SYNJ2: variants seen among roughly 807,000 people sequenced by gnomAD.
SYNJ2 encodes the protein synaptojanin 2, also known as polyphosphatidylinositol phosphatase SYNJ2.
Under a neutral mutation model 141.3 loss-of-function variants are expected in SYNJ2, and 116 were observed. That is an observed-to-expected ratio of 0.82 (90% CI 0.71 to 0.96). The LOEUF is 0.96. Ranked by LOEUF, SYNJ2 falls within the 40% of genes least tolerant of loss-of-function variation. The pLI, the probability that SYNJ2 is intolerant of heterozygous loss-of-function variation, is 0.00. For synonymous variants in SYNJ2, 745 were observed against 777.7 expected (o/e 0.96, Z 0.70); for missense variants, 1,873 against 1,934.8 (o/e 0.97, Z 0.60).
intron 2 of SYNJ2, among the ~76,000 whole-genome samples, chr6:158,019,520 G>C (rs1019673952): frequency 6.6e-6 from 1 of 152,194 alleles, no homozygotes; most frequent in Non-Finnish European, 1.5e-5. Context: ...TGTCTGCGGG[G>C]GTCAGCAGGG....
At chr6:158,031,647 T>C (rs1005273485) in intron 3 of SYNJ2, among the ~76,000 whole-genome samples, 2 of 151,752 alleles carry the variant, frequency 1.3e-5, no homozygotes, top group African/African-American at 4.8e-5. Flanking sequence ...ACAGCAGGAG[T>C]CAGATGGGGT....
chr6:158,052,031 G>A (rs1780599789), intron 5 of SYNJ2, among the ~76,000 whole-genome samples: 1 of 152,274 alleles, frequency 6.6e-6, no homozygotes, highest in East Asian at 1.9e-4. Flanking sequence ...TAAATCTATT[G>A]CTGAGAAACC....
intron 16 of SYNJ2, among the ~76,000 whole-genome samples, chr6:158,076,016 C>T (rs968349415): frequency 1.3e-5 from 2 of 152,096 alleles, no homozygotes; most frequent in Non-Finnish European, 2.9e-5. Flanking sequence ...CATAGGGAGA[C>T]TTTGTCTCTA....
At chr6:158,068,610 G>A (rs771687057) in intron 12 of SYNJ2, 37 bp from the exon 13 acceptor site, 50 of 1,612,822 alleles carry the variant, frequency 3.1e-5, no homozygotes, top group East Asian at 4.5e-5. Flanking sequence ...GGGACTTGGC[G>A]GTTCTGACTT....
intron 26 of SYNJ2, among the ~76,000 whole-genome samples, chr6:158,095,260 G>C (rs1417496386): frequency 9.2e-5 from 14 of 152,126 alleles, no homozygotes; most frequent in Non-Finnish European, 1.5e-4. Flanking sequence ...AATCAGCCCA[G>C]GTTGCAACTT....
At position 158,094,415 on chromosome 6, in the gene SYNJ2, AAAAC is replaced by A. The variant is rs1447442197; in HGVS notation, c.3745-1201_3745-1198del. On this transcript the variant is annotated intron_variant, in intron 26 of 26. Transcript: ENST00000355585. The stretch of plus-strand genomic sequence containing the variant: ...TGGGCAAAAAAAAAAAAAAAAAAAA[AAAAC>A]ACCCATCCAACACAGCCTATTTTAT... 1.4e-3 allele frequency among the ~76,000 whole-genome samples: 212 copies of A among 151,472 alleles called. 1 individual carries two copies. The highest frequency in any genetic ancestry group is 2.3e-3 in the South Asian group (11 of 4,812).
chr6:158,010,373 C>T (rs1316277816), intron 1 of SYNJ2, among the ~76,000 whole-genome samples: 1 of 152,198 alleles, frequency 6.6e-6, no homozygotes, highest in Non-Finnish European at 1.5e-5. Context: ...GAACCGGCCT[C>T]CTGGGAAGCC....
chr6:158,018,928 C>A (rs1778616289), intron 2 of SYNJ2, among the ~76,000 whole-genome samples: 2 of 152,254 alleles, frequency 1.3e-5, no homozygotes, highest in Non-Finnish European at 2.9e-5. Flanking sequence ...TGCAGGAAAT[C>A]CCTGTGGCCC....
At position 158,026,890 on chromosome 6, in the gene SYNJ2, C is replaced by T. The variant is rs191679242; in HGVS notation, c.215-1866C>T. The T allele has an allele frequency of 3.0e-4, 298 of 985,438 alleles. 1 individual carries two copies. The highest frequency in any genetic ancestry group is 3.3e-4 in the Non-Finnish European group (275 of 829,926). The allele number at this position is 985,438 out of a possible 1,614,324, so 61.0% of individuals were successfully genotyped here. A position where few individuals can be genotyped will look rare whatever the true frequency, so the allele number is the denominator to read the frequency against. ...GGCTCTGATCACAAGCTGCCAACCC[C>T]GGAACCCCACCTATCCTACTTGAGA... On this transcript the variant is annotated intron_variant, in intron 2 of 26. Transcript: ENST00000355585.
chr6:158,018,106 G>A (rs1012670577), intron 2 of SYNJ2, among the ~76,000 whole-genome samples: 33 of 152,190 alleles, frequency 2.2e-4, no homozygotes, highest in African/African-American at 7.7e-4. Context: ...GGAGAGGAAG[G>A]GACAGTGTGA....
chr6:158,035,185 A>G lies in SYNJ2; in HGVS notation c.711+1505A>G, dbSNP rs1779575287. Among the ~76,000 whole-genome samples, 3 of 152,186 alleles carry G rather than the reference A, an allele frequency of 2.0e-5. No homozygotes were observed. The South Asian group carries it at 6.2e-4, about 32-fold the overall frequency. The stretch of plus-strand genomic sequence containing the variant: ...TCGGGCTCTTTTTTGGTTCCATATG[A>G]ATTTTAAAATAGTTTTTTCTAGTTC... On this transcript the variant is annotated intron_variant, in intron 4 of 26. Coordinates refer to ENST00000355585, the MANE Select transcript of SYNJ2 (RefSeq NM_003898.4).
chr6:158,023,215 G>C (rs1778866435), intron 2 of SYNJ2, among the ~76,000 whole-genome samples: 1 of 150,080 alleles, frequency 6.7e-6, no homozygotes, highest in East Asian at 2.0e-4. Context: ...CTGAGATCAA[G>C]TCACTGCACT....
At chr6:158,001,305 C>T (rs1777844646) in intron 1 of SYNJ2, 1 of 152,084 alleles carries the variant, frequency 6.6e-6, no homozygotes, top group South Asian at 2.1e-4. Context: ...TTTCACATCT[C>T]CTCAAGCCTT....
rs1474664878 is a variant in SYNJ2 at position 158,062,006 on chromosome 6, T to C, written c.969T>C (p.Ala323=). ...CCTCTTTTCAGAAGCTGCTCTGGGC[T>C]TCTTGCCACGCGGGCGACACGCCTA... The part of the protein sequence containing the change: ...LNRAFKKLLW[A]SCHAGDTPMI... The change falls in exon 8 of 27, where the codon GCT becomes GCC. Residue 323 remains alanine, a synonymous_variant. Transcript: ENST00000355585. 1 of 1,614,030 alleles carries C rather than the reference T, an allele frequency of 6.2e-7. No homozygotes were observed. Among genetic ancestry groups the C allele is most frequent in the South Asian group, 1.1e-5 (1 of 91,088 alleles).
chr6:158,085,221 A>G lies in SYNJ2; in HGVS notation c.3208+1047A>G, dbSNP rs541030889. Among the ~76,000 whole-genome samples the G allele has an allele frequency of 1.3e-3, 191 of 151,994 alleles. 2 individuals are homozygous for G. Among genetic ancestry groups the G allele is most frequent in the Non-Finnish European group, 1.9e-3 (126 of 67,966 alleles). On this transcript the variant is annotated intron_variant, in intron 22 of 26. Coordinates refer to ENST00000355585, the MANE Select transcript of SYNJ2 (RefSeq NM_003898.4). The stretch of plus-strand genomic sequence containing the variant: ...TTTTTTGTAGAGACGGGGTCTCACT[A>G]TGTTGTCCAAGCTGGTCTCAAACTC...
intron 15 of SYNJ2, among the ~76,000 whole-genome samples, chr6:158,072,098 A>C (rs1781967210): frequency 6.6e-6 from 1 of 152,354 alleles, no homozygotes; most frequent in Non-Finnish European, 1.5e-5. Context: ...GTGATGGTTT[A>C]GGGAAGAAAA....
intron 2 of SYNJ2, among the ~76,000 whole-genome samples, chr6:158,025,892 C>T (rs976618217): frequency 2.0e-5 from 3 of 152,026 alleles, no homozygotes; most frequent in African/African-American, 7.3e-5. Flanking sequence ...GCAGAGGTTG[C>T]GGTGAGCCGA....
intron 1 of SYNJ2, among the ~76,000 whole-genome samples, chr6:158,008,801 T>C (rs1778161724): frequency 6.6e-6 from 1 of 152,198 alleles, no homozygotes; most frequent in Non-Finnish European, 1.5e-5. Flanking sequence ...ACCTCCTAAC[T>C]GGTCTCCTTC....
At chr6:157,984,419 G>A (rs1777123161) in intron 1 of SYNJ2, among the ~76,000 whole-genome samples, 1 of 151,838 alleles carries the variant, frequency 6.6e-6, no homozygotes, top group African/African-American at 2.4e-5. Flanking sequence ...TTTTTTTTGA[G>A]ATGGAGCTTC....
Sources: gnomAD v4.1 joint callset for allele counts (sites outside exome capture counted in the v4.1 genomes callset) on GRCh38, gnomAD v4.1.1 for gene constraint, MANE v1.5 for transcripts, NCBI Gene and HGNC (gene_info 2026-07-23, HGNC 2026-07-21) for gene names.